NCAPD3: variants seen among roughly 807,000 people sequenced by gnomAD.
NCAPD3 encodes the protein non-SMC condensin II complex subunit D3.
NCAPD3 carries 105 observed loss-of-function variants against 182.9 expected under a neutral mutation model. The observed-to-expected ratio is 0.57, with a 90% CI of 0.49 to 0.68. The LOEUF (loss-of-function observed/expected upper bound fraction) is 0.68. Ranked by LOEUF, NCAPD3 falls within the 30% of genes least tolerant of loss-of-function variation. The pLI, the probability that NCAPD3 is intolerant of heterozygous loss-of-function variation, is 0.00. For missense variants in NCAPD3, 1,944 were observed against 1,837.0 expected (o/e 1.06, Z -1.07); for synonymous variants, 815 against 679.9 (o/e 1.20, Z -3.09).
chr11:134,185,656 T>A, intron 16 of NCAPD3, 130 bp from the exon 17 acceptor site: 1 of 621,724 alleles, frequency 1.6e-6, no homozygotes, highest in East Asian at 3.0e-5. Context: ...AACTTATATG[T>A]AGACGTTCCT....
intron 27 of NCAPD3, among the ~76,000 whole-genome samples, chr11:134,162,714 A>G (rs1407483592): frequency 6.6e-6 from 1 of 152,236 alleles, no homozygotes; most frequent in Non-Finnish European, 1.5e-5. Flanking sequence ...GTTCAGGAAT[A>G]GTCTTAAGAA....
chr11:134,181,971 C>G (rs1310151478), intron 19 of NCAPD3, among the ~76,000 whole-genome samples: 12 of 151,926 alleles, frequency 7.9e-5, no homozygotes, highest in African/African-American at 4.8e-5. Context: ...CAAGCCACCA[C>G]TATGAGCAAT....
At chr11:134,223,547 TTAATAGGTAAGAATAGA>T (rs1380189075) in intron 1 of NCAPD3, 1 of 699,758 alleles carries the variant, frequency 1.4e-6, no homozygotes, top group Non-Finnish European at 2.6e-6. Context: ...TAAAACCATC[TTAATAGGTAAGAATAGA>T]TAGGTGCACG....
At chr11:134,216,414 G>A (rs934707661) in intron 3 of NCAPD3, among the ~76,000 whole-genome samples, 5 of 152,188 alleles carry the variant, frequency 3.3e-5, no homozygotes, top group African/African-American at 1.2e-4. Context: ...CACTGTCATA[G>A]GAGGAACAGC....
chr11:134,218,999 G>C (rs986272014), intron 2 of NCAPD3, among the ~76,000 whole-genome samples: 4 of 152,208 alleles, frequency 2.6e-5, no homozygotes, highest in African/African-American at 9.7e-5. Flanking sequence ...AGGACGCTTA[G>C]AACAAAACCT....
intron 2 of NCAPD3, among the ~76,000 whole-genome samples, chr11:134,218,569 C>A (rs1938114690): frequency 6.6e-6 from 1 of 152,198 alleles, no homozygotes; most frequent in Non-Finnish European, 1.5e-5. Flanking sequence ...TTATTCCCCA[C>A]CTTGGTTAAC....
rs1051052287 is a variant in NCAPD3, at chr11:134,209,009, T to C, written c.795-58A>G. ...ATATGATTTTACTTGGAATATTTCT[T>C]AGTCCTACAAGCCATGTTTAAATGA... On this transcript the variant is annotated intron_variant, in intron 6 of 34. Transcript: ENST00000534548. The C allele has an allele frequency of 2.0e-6, 3 of 1,474,104 alleles. No individual in the cohort carries two copies. The Admixed American group carries it at 5.5e-5, about 27-fold the overall frequency. 91.3% of individuals were successfully genotyped at this position (1,474,104 alleles called of 1,614,324 possible).
chr11:134,164,807 TCA>T (rs1450891877), intron 27 of NCAPD3, among the ~76,000 whole-genome samples: 1 of 137,078 alleles, frequency 7.3e-6, no homozygotes, highest in African/African-American at 2.8e-5. Flanking sequence ...TAGGGGAACT[TCA>T]CACTCATGAA....
intron 2 of NCAPD3, among the ~76,000 whole-genome samples, chr11:134,218,033 G>A (rs1220796519): frequency 6.8e-6 from 1 of 147,512 alleles, no homozygotes; most frequent in African/African-American, 2.5e-5. Flanking sequence ...AATAAGTTGA[G>A]GCTGCAGTAA....
chr11:134,190,798 A>T (rs1444098823), intron 16 of NCAPD3, among the ~76,000 whole-genome samples: 1 of 152,080 alleles, frequency 6.6e-6, no homozygotes, highest in Non-Finnish European at 1.5e-5. Flanking sequence ...TTTAGTGGAG[A>T]GGTGGTGGCG....
chr11:134,166,790 C>T (rs1297709364), intron 27 of NCAPD3, among the ~76,000 whole-genome samples: 1 of 99,516 alleles, frequency 1.0e-5, no homozygotes, highest in African/African-American at 4.2e-5. Context: ...GGCGCACACT[C>T]GTGAGAGGAG....
In NCAPD3 at chr11:134,168,125, G is replaced by A. The variant is rs140260009; in HGVS notation, c.3444C>T (p.Val1148=). ...ASELLSDTFE[V]LSSKEIKLLA... Reference sequence around the variant, plus strand: ...AAAGCTTGATCTCCTTTGAGCTGAGGACCTCAAACGTGTCTGAGAGTAACT... The same window carrying A: ...AAAGCTTGATCTCCTTTGAGCTGAGAACCTCAAACGTGTCTGAGAGTAACT... The change falls in exon 27 of 35, where the codon GTC becomes GTT. Residue 1148 remains valine, a synonymous_variant. Coordinates refer to ENST00000534548, the MANE Select transcript of NCAPD3 (RefSeq NM_015261.3). 2 of 1,614,080 alleles carry A rather than the reference G, an allele frequency of 1.2e-6. No homozygotes were observed. Among genetic ancestry groups the A allele is most frequent in the Non-Finnish European group, 1.7e-6 (2 of 1,179,946 alleles).
Position 134,182,565 on chromosome 11 carries a change from T to C in NCAPD3, c.2452-1381A>G, listed in dbSNP as rs1348823910. Among the ~76,000 whole-genome samples the C allele has an allele frequency of 2.6e-5, 4 of 152,208 alleles. No homozygotes were observed. The East Asian group carries it at 7.7e-4, about 29-fold the overall frequency. On this transcript the variant is annotated intron_variant, in intron 19 of 34. Coordinates refer to ENST00000534548, the MANE Select transcript of NCAPD3 (RefSeq NM_015261.3). ...TTATTTAACTGCTCTCCTCTAGTTA[T>C]ATTCAATTTCATCAACACTTCTCTG...
chr11:134,161,183 T>G (rs576939883), intron 28 of NCAPD3, among the ~76,000 whole-genome samples: 48 of 152,256 alleles, frequency 3.2e-4, no homozygotes, highest in Admixed American at 8.5e-4. Flanking sequence ...AACTGCTGAA[T>G]TAAAGAAAAA....
upstream of NCAPD3, chr11:134,224,542 G>C (rs923549377): frequency 4.6e-5 from 7 of 152,516 alleles, no homozygotes; most frequent in Admixed American, 3.9e-4. Context: ...CGCCGGCCGC[G>C]CTCTCCCTGC....
chr11:134,168,359 G>T (rs1317981944), intron 26 of NCAPD3, 110 bp downstream of exon 26: 5 of 1,522,220 alleles, frequency 3.3e-6, no homozygotes, highest in African/African-American at 2.7e-5. Flanking sequence ...AGATGACAGG[G>T]GTCTTCCTGC....
intron 4 of NCAPD3, 26 bp downstream of exon 4, chr11:134,210,244 T>C (rs751062437): frequency 3.8e-6 from 6 of 1,582,264 alleles, no homozygotes; most frequent in Non-Finnish European, 5.2e-6. Context: ...TTGGTATATA[T>C]GTTTTATACT....
intron 27 of NCAPD3, among the ~76,000 whole-genome samples, chr11:134,164,266 G>A (rs1342724030): frequency 1.3e-5 from 2 of 152,206 alleles, no homozygotes; most frequent in African/African-American, 2.4e-5. Context: ...GTCTGCAAGA[G>A]CACCATAAAC....
At position 134,204,839 on chromosome 11, in the gene NCAPD3, A is replaced by T; in HGVS notation, c.1089+60T>A. 1.5e-6 allele frequency: 2 copies of T among 1,369,880 alleles called. No individual in the cohort carries two copies. The highest frequency in any genetic ancestry group is 2.4e-5 in the South Asian group (2 of 84,026). The allele number at this position is 1,369,880 out of a possible 1,614,324, so 84.9% of individuals were successfully genotyped here. Reference sequence around the variant, plus strand: ...TACCCACACTCACACACACACACACACATTTATCTTCACACACGATATACT... The same window carrying T: ...TACCCACACTCACACACACACACACTCATTTATCTTCACACACGATATACT... On this transcript the variant is annotated intron_variant, in intron 9 of 34. Transcript: ENST00000534548. The surrounding 1 kb of genome is among the most constrained non-coding windows in gnomAD (Gnocchi z 4.3).
Sources: gnomAD v4.1 joint callset for allele counts (sites outside exome capture counted in the v4.1 genomes callset) on GRCh38, gnomAD v4.1.1 for gene constraint, Gnocchi (gnomAD v3.1) non-coding constraint, MANE v1.5 for transcripts, NCBI Gene and HGNC (gene_info 2026-07-23, HGNC 2026-07-21) for gene names.